Variants in HLA-DPA1 observed in about 807,000 individuals in gnomAD.
HLA-DPA1 encodes the protein HLA class II histocompatibility antigen, DP alpha 1 chain.
A neutral mutation model predicts 21.5 loss-of-function variants in HLA-DPA1; 20 were observed. That is an observed-to-expected ratio of 0.93 (90% CI 0.66 to 1.35). The LOEUF (loss-of-function observed/expected upper bound fraction) is 1.35, where lower values mean the gene tolerates loss of function less well. HLA-DPA1 is among the 40% of genes most tolerant of loss of function. The pLI is 0.00. For synonymous variants in HLA-DPA1, 123 were observed against 129.6 expected, an observed-to-expected ratio of 0.95 and a Z score of 0.35; for missense variants, 279 against 323.0, an observed-to-expected ratio of 0.86 and a Z score of 1.05.
At chr6:33,073,296 A>C (rs9357156) in intron 2 of HLA-DPA1, 175 bp downstream of exon 1, 102,297 of 549,500 alleles carry the variant, frequency 0.19, 15,046 homozygotes, top group East Asian at 0.54. Context: ...ACTATGCAGG[A>C]GTCTCATAAA....
intron 3 of HLA-DPA1, 102 bp from the exon 3 acceptor site, chr6:33,069,402 T>A: frequency 8.1e-7 from 1 of 1,229,956 alleles, no homozygotes; most frequent in Non-Finnish European, 1.1e-6. Flanking sequence ...TTAGATTTTA[T>A]GGCAGCTCTG....
Position 33,080,328 on chromosome 6 carries a change from C to A in HLA-DPA1, c.-100+352G>T. Reference sequence around the variant, plus strand: ...CCTCCACGTCCCCAGCTCCTCCCGCCCCTGTTTTTTCTCCCAGTGACCCCA... The same window carrying A: ...CCTCCACGTCCCCAGCTCCTCCCGCACCTGTTTTTTCTCCCAGTGACCCCA... On this transcript the variant is annotated intron_variant, in intron 1 of 5. Coordinates refer to ENST00000419277, the Ensembl canonical transcript of HLA-DPA1. This position sits in a 1 kb window ranked among gnomAD's most constrained non-coding sequence, Gnocchi z 4.3. 2.0e-6 allele frequency: 1 copy of A among 489,866 alleles called. No individual in the cohort carries two copies. The allele number at this position is 489,866 out of a possible 1,614,324, so 30.3% of individuals were successfully genotyped here. A position where few individuals can be genotyped will look rare whatever the true frequency, so the allele number is the denominator to read the frequency against.
intron 2 of HLA-DPA1, among the ~76,000 whole-genome samples, chr6:33,071,920 T>G (rs113408492): frequency 0.2 from 29,824 of 151,952 alleles, 3,587 homozygotes; most frequent in African/African-American, 0.33. Flanking sequence ...ATTTGTGGAT[T>G]ATGGGTGGTC....
chr6:33,066,469 A>C (rs975462276), intron 5 of HLA-DPA1: 2 of 152,252 alleles, frequency 1.3e-5, no homozygotes, highest in African/African-American at 2.4e-5. Flanking sequence ...AGTAAATGTG[A>C]AATTTAAAAC....
chr6:33,076,930 A>G (rs1434855200), intron 1 of HLA-DPA1, among the ~76,000 whole-genome samples: 2 of 151,934 alleles, frequency 1.3e-5, no homozygotes, highest in Non-Finnish European at 2.9e-5. Flanking sequence ...CTTTTTATAT[A>G]TATATATACT....
chr6:33,074,074 A>G (rs999690566), intron 1 of HLA-DPA1, among the ~76,000 whole-genome samples: 5 of 152,312 alleles, frequency 3.3e-5, no homozygotes, highest in African/African-American at 7.2e-5. Context: ...TATATAATTA[A>G]TCTTTCTTTC....
At chr6:33,066,517 T>G (rs554830020) in intron 5 of HLA-DPA1, 1 of 152,334 alleles carries the variant, frequency 6.6e-6, no homozygotes, top group Admixed American at 6.5e-5. Flanking sequence ...GATATCTCAG[T>G]ATAGGGAAGA....
At chr6:33,073,574 G>A in exon 2 of HLA-DPA1, 1 of 1,607,572 alleles carries the variant, frequency 6.2e-7, no homozygotes, top group African/African-American at 1.3e-5. Context: ...GGCGCATGTT[G>A]TGGGGTCTAT....
chr6:33,080,485 G>GA lies in HLA-DPA1; in HGVS notation c.-100+194dup, dbSNP rs764048597. 1.0e-4 allele frequency: 82 copies of GA among 807,092 alleles called. No individual in the cohort carries two copies. Among genetic ancestry groups the GA allele is most frequent in the Non-Finnish European group, 1.6e-4 (75 of 469,780 alleles). The allele number at this position is 807,092 out of a possible 1,614,324, so 50.0% of individuals were successfully genotyped here. Reference sequence around the variant, plus strand: ...AGTAAATTCTCTCTCTGCGTGGTGAGAAAACAGGCCTGGAGAGGCTCTGCG... The same window carrying GA: ...AGTAAATTCTCTCTCTGCGTGGTGAGAAAAACAGGCCTGGAGAGGCTCTGCG... On this transcript the variant is annotated intron_variant, in intron 1 of 5. Coordinates refer to ENST00000419277, the Ensembl canonical transcript of HLA-DPA1. This position sits in a 1 kb window ranked among gnomAD's most constrained non-coding sequence, Gnocchi z 4.3.
chr6:33,064,707 A>G (rs910935973), exon 6 of HLA-DPA1: 29 of 152,242 alleles, frequency 1.9e-4, no homozygotes, highest in African/African-American at 6.5e-4. Flanking sequence ...TCTGCCTGAA[A>G]TCTTGATCCA....
chr6:33,069,151 T>A (rs762113154), exon 4 of HLA-DPA1: 6 of 1,612,886 alleles, frequency 3.7e-6, no homozygotes, highest in Non-Finnish European at 5.1e-6. Context: ...AGGAAGAGGC[T>A]CTCAGCGACA....
intron 1 of HLA-DPA1, among the ~76,000 whole-genome samples, chr6:33,076,335 C>G (rs1222956261): frequency 6.6e-6 from 1 of 151,924 alleles, no homozygotes; most frequent in African/African-American, 2.4e-5. Context: ...ATTCTCTCTC[C>G]AAGGACATGG....
At chr6:33,079,458 C>T (rs1762721999) in intron 1 of HLA-DPA1, 1 of 267,816 alleles carries the variant, frequency 3.7e-6, no homozygotes, top group Admixed American at 4.2e-5. Flanking sequence ...ATCATGGCCT[C>T]CCTCAGACTC....
At chr6:33,065,171 T>C (rs974170019) in exon 6 of HLA-DPA1, 1 of 152,046 alleles carries the variant, frequency 6.6e-6, no homozygotes. Flanking sequence ...TTGGAAACTT[T>C]ACTAAGGAAT....
At chr6:33,068,600 A>G (rs768136825) in intron 5 of HLA-DPA1, 38 bp downstream of exon 4, 3 of 1,520,682 alleles carry the variant, frequency 2.0e-6, no homozygotes, top group African/African-American at 3.0e-5. Context: ...CCTTCCTTAC[A>G]TTCTACAAAT....
chr6:33,071,203 C>T (rs1392131357), intron 2 of HLA-DPA1, among the ~76,000 whole-genome samples: 1 of 152,140 alleles, frequency 6.6e-6, no homozygotes, highest in Non-Finnish European at 1.5e-5. Flanking sequence ...AGGGTATGAC[C>T]TGTGTCTTAT....
At chr6:33,077,883 G>T (rs1257085201) in intron 1 of HLA-DPA1, among the ~76,000 whole-genome samples, 1 of 149,654 alleles carries the variant, frequency 6.7e-6, no homozygotes, top group Non-Finnish European at 1.5e-5. Flanking sequence ...CTATTACCTT[G>T]GGTTCATTGT....
chr6:33,069,401 A>G, intron 3 of HLA-DPA1, 101 bp from the exon 3 acceptor site: 1 of 1,240,088 alleles, frequency 8.1e-7, no homozygotes, highest in South Asian at 1.4e-5. Context: ...CTTAGATTTT[A>G]TGGCAGCTCT....
At chr6:33,068,122 A>G (rs1762053922) in intron 5 of HLA-DPA1, 1 of 152,432 alleles carries the variant, frequency 6.6e-6, no homozygotes. Context: ...AATGAGTCCA[A>G]GTAGAGACAG....
Sources: allele counts gnomAD v4.1 joint callset (sites outside exome capture counted in the v4.1 genomes callset), GRCh38; gene constraint gnomAD v4.1.1; non-coding constraint Gnocchi (gnomAD v3.1); transcripts MANE v1.5; gene names NCBI Gene and HGNC (gene_info 2026-07-23, HGNC 2026-07-21).